The following CNTNAP2 variants were observed in gnomAD, a reference collection of about 807,000 sequenced individuals.
CNTNAP2 encodes the protein contactin-associated protein-like 2.
Under a neutral mutation model 155.2 loss-of-function variants are expected in CNTNAP2, and 98 were observed. The observed-to-expected ratio is 0.63, with a 90% CI of 0.54 to 0.75. CNTNAP2 has a LOEUF of 0.75. Ranked by LOEUF, CNTNAP2 falls within the 30% of genes least tolerant of loss-of-function variation. The probability of loss-of-function intolerance (pLI) is 0.00; values close to 1 mark genes in which losing one functional copy is unlikely to be tolerated. For synonymous variants in CNTNAP2, 651 were observed against 631.2 expected (o/e 1.03, Z -0.47); for missense variants, 1,727 against 1,688.1 (o/e 1.02, Z -0.40).
At chr7:147,894,705 T>C (rs1799747870) in intron 13 of CNTNAP2, among the ~76,000 whole-genome samples, 1 of 152,022 alleles carries the variant, frequency 6.6e-6, no homozygotes, top group Admixed American at 6.6e-5. Context: ...ATGAAAGAAA[T>C]TAAATGTCCC....
chr7:148,069,759 C>CA (rs57389619), intron 15 of CNTNAP2, among the ~76,000 whole-genome samples: 10,690 of 68,602 alleles, frequency 0.16, 792 homozygotes, highest in African/African-American at 0.28. Context: ...GACTCCGTCT[C>CA]AAAAAAAAAA....
intron 8 of CNTNAP2, among the ~76,000 whole-genome samples, chr7:147,185,990 C>T (rs10243899): frequency 0.53 from 80,815 of 152,040 alleles, 22,079 homozygotes; most frequent in South Asian, 0.71. Context: ...TCGCTAACCA[C>T]GTGGAACTGT....
At chr7:146,859,306 G>A (rs1056078715) in intron 3 of CNTNAP2, among the ~76,000 whole-genome samples, 2 of 152,126 alleles carry the variant, frequency 1.3e-5, no homozygotes, top group African/African-American at 4.8e-5. Context: ...TTATGCATTA[G>A]CCCCTATAGT....
At chr7:147,757,505 G>A (rs1315905762) in intron 13 of CNTNAP2, among the ~76,000 whole-genome samples, 1 of 152,056 alleles carries the variant, frequency 6.6e-6, no homozygotes, top group Non-Finnish European at 1.5e-5. Context: ...TGTAAGACTT[G>A]AAGTCTTATA....
chr7:147,366,533 C>T (rs889542948), intron 9 of CNTNAP2, among the ~76,000 whole-genome samples: 17 of 151,458 alleles, frequency 1.1e-4, no homozygotes, highest in African/African-American at 3.6e-4. Flanking sequence ...TTCTCTCTGC[C>T]TTCTTTGTAT....
rs562180511 is a variant in CNTNAP2, at chr7:148,176,683, C to A, written c.3010+4205C>A. On this transcript the variant is annotated intron_variant, in intron 18 of 23. Transcript: ENST00000361727. ...AAACCCTACAACTAGACCATGCAGG[C>A]AGTCTCCTCATCTGTCGGCAGATAA... Among the ~76,000 whole-genome samples, 4 of 152,312 alleles carry A rather than the reference C, an allele frequency of 2.6e-5. No homozygotes were observed. The South Asian group carries it at 8.3e-4, about 32-fold the overall frequency.
intron 9 of CNTNAP2, among the ~76,000 whole-genome samples, chr7:147,373,311 G>A (rs1379948225): frequency 6.6e-6 from 1 of 151,882 alleles, no homozygotes; most frequent in East Asian, 1.9e-4. Flanking sequence ...CGTGGTTTCG[G>A]TGATTCATAT....
intron 15 of CNTNAP2, among the ~76,000 whole-genome samples, chr7:148,009,118 C>G (rs1036548332): frequency 6.6e-5 from 10 of 152,284 alleles, no homozygotes; most frequent in African/African-American, 2.4e-4. Context: ...GAAAATATAT[C>G]AAAAGTTGAA....
At chr7:148,383,188 CT>C (rs34329815) in intron 21 of CNTNAP2, among the ~76,000 whole-genome samples, 13,169 of 138,916 alleles carry the variant, frequency 0.095, 1,127 homozygotes, top group African/African-American at 0.24. Context: ...AATTCTTGTT[CT>C]TTTTTTTTTT....
intron 12 of CNTNAP2, among the ~76,000 whole-genome samples, chr7:147,572,425 G>A (rs1243040687): frequency 6.6e-6 from 1 of 152,096 alleles, no homozygotes; most frequent in Non-Finnish European, 1.5e-5. Flanking sequence ...TATATCACAG[G>A]TCACTCAGCC....
At chr7:147,057,964 C>T (rs1158829545) in intron 4 of CNTNAP2, among the ~76,000 whole-genome samples, 1 of 152,070 alleles carries the variant, frequency 6.6e-6, no homozygotes, top group Admixed American at 6.6e-5. Flanking sequence ...TATTATGTCA[C>T]CTCATCAGCA....
chr7:147,709,070 G>C (rs145709072), intron 13 of CNTNAP2, among the ~76,000 whole-genome samples: 2,508 of 152,246 alleles, frequency 0.016, 224 homozygotes, highest in Admixed American at 0.15. Flanking sequence ...TAGCTGAGAG[G>C]GATGTGGTCA....
intron 20 of CNTNAP2, among the ~76,000 whole-genome samples, chr7:148,265,271 T>G (rs1796647975): frequency 6.6e-6 from 1 of 152,154 alleles, no homozygotes; most frequent in Non-Finnish European, 1.5e-5. Flanking sequence ...GAATAAGTGT[T>G]TTTGTTTGTT....
At chr7:148,226,986 G>A (rs1795864042) in intron 19 of CNTNAP2, among the ~76,000 whole-genome samples, 1 of 152,184 alleles carries the variant, frequency 6.6e-6, no homozygotes, top group South Asian at 2.1e-4. Context: ...CCTCTGAGGA[G>A]GCAAGGATCA....
At chr7:146,152,692 T>C (rs1798069426) in intron 1 of CNTNAP2, among the ~76,000 whole-genome samples, 1 of 152,104 alleles carries the variant, frequency 6.6e-6, no homozygotes, top group Admixed American at 6.6e-5. Flanking sequence ...ATAATTACTT[T>C]AAAGCTTGTG....
At chr7:148,217,942 T>C (rs34738210) in intron 19 of CNTNAP2, among the ~76,000 whole-genome samples, 21,537 of 152,256 alleles carry the variant, frequency 0.14, 1,671 homozygotes, top group Admixed American at 0.22. Context: ...CTGGCCAATA[T>C]GGCGAAACCC....
Position 147,485,016 on chromosome 7 carries a change from T to C in CNTNAP2, c.1671-919T>C, listed in dbSNP as rs907716485. On this transcript the variant is annotated intron_variant, in intron 10 of 23. Coordinates refer to ENST00000361727, the MANE Select transcript of CNTNAP2 (RefSeq NM_014141.6). ...TGGGGTAGATGGAGACAGGAATTGA[T>C]GGGAGGGATGAGTGGATGGAACCAG... Among the ~76,000 whole-genome samples the C allele has an allele frequency of 3.3e-5, 5 of 152,184 alleles. No individual in the cohort carries two copies. In the South Asian group the frequency reaches 6.2e-4, roughly 19 times the overall value.
intron 15 of CNTNAP2, among the ~76,000 whole-genome samples, chr7:148,032,963 G>T (rs920612017): frequency 2.0e-5 from 3 of 152,076 alleles, no homozygotes; most frequent in African/African-American, 7.2e-5. Flanking sequence ...AGTGACCCAG[G>T]GCTGGATATC....
intron 13 of CNTNAP2, among the ~76,000 whole-genome samples, chr7:147,792,489 C>G (rs944853569): frequency 4.0e-5 from 6 of 150,790 alleles, no homozygotes; most frequent in Non-Finnish European, 8.8e-5. Context: ...GAAGTCAATC[C>G]ACGTTGTAGT....
Sources: gnomAD v4.1 joint callset for allele counts (sites outside exome capture counted in the v4.1 genomes callset) on GRCh38, gnomAD v4.1.1 for gene constraint, MANE v1.5 for transcripts, NCBI Gene and HGNC (gene_info 2026-07-23, HGNC 2026-07-21) for gene names.